ATXN7: variants seen among roughly 807,000 people sequenced by gnomAD.
The protein encoded by ATXN7 is ataxin-7.
In ATXN7, 12 loss-of-function variants were observed where a neutral mutation model predicts 70.5. The ratio of observed to expected loss-of-function variants is 0.17; its 90% CI spans 0.11 to 0.28. The LOEUF is 0.28. Among genes scored for constraint, ATXN7 ranks in the 10% least tolerant of loss-of-function variants. ATXN7 has a pLI of 1.00. For missense variants in ATXN7, 1,256 were observed against 1,131.7 expected (o/e 1.11, Z -1.58); for synonymous variants, 498 against 448.7 (o/e 1.11, Z -1.39).
chr3:63,981,894 T>A (rs1335909021), intron 6 of ATXN7, among the ~76,000 whole-genome samples: 1 of 152,248 alleles, frequency 6.6e-6, no homozygotes, highest in African/African-American at 2.4e-5. Context: ...AGAAATTGCA[T>A]TGCATTGGGT....
intron 4 of ATXN7, among the ~76,000 whole-genome samples, chr3:63,940,186 A>T (rs144774042): frequency 6.6e-6 from 1 of 151,954 alleles, no homozygotes; most frequent in African/African-American, 2.4e-5. Context: ...AGAAGGCCCT[A>T]ATCTCACCTC....
At position 63,982,369 on chromosome 3, in the gene ATXN7, T is replaced by C. The variant is rs1418553331; in HGVS notation, c.936T>C (p.Leu312=). The C allele has an allele frequency of 1.2e-6, 2 of 1,613,916 alleles. No individual in the cohort carries two copies. Among genetic ancestry groups the C allele is most frequent in the Admixed American group, 1.7e-5 (1 of 59,992 alleles). The part of the protein sequence containing the change: ...SPGQILNGKG[L]PAPPTLEKKP... ...GACAGATTCTGAATGGCAAAGGGCT[T>C]CCTGCACCGCCCACTCTGGAAAAGA... Residue 312 remains leucine, a synonymous_variant, in exon 7 of 13, where the codon CTT becomes CTC. Transcript: ENST00000674280.
chr3:63,925,353 G>T (rs1704674650), intron 4 of ATXN7, among the ~76,000 whole-genome samples: 1 of 152,110 alleles, frequency 6.6e-6, no homozygotes, highest in African/African-American at 2.4e-5. Context: ...TGGCCTGTTA[G>T]GAAACAGGCC....
intron 4 of ATXN7, among the ~76,000 whole-genome samples, chr3:63,939,312 T>G (rs765370147): frequency 6.6e-6 from 1 of 152,180 alleles, no homozygotes; most frequent in Non-Finnish European, 1.5e-5. Flanking sequence ...TCCTTCTAAA[T>G]GTCTTGGAAT....
chr3:63,925,488 G>A (rs983950297), intron 4 of ATXN7, among the ~76,000 whole-genome samples: 1 of 152,138 alleles, frequency 6.6e-6, no homozygotes, highest in Admixed American at 6.6e-5. Flanking sequence ...CCATGCCTGG[G>A]ATCTAGGTTG....
At position 63,961,594 on chromosome 3, in the gene ATXN7, A is replaced by T. The variant is rs1237282975; in HGVS notation, c.499+9111A>T. ...CAATATCTATCTTTATATATATATA[A>T]ATTGTTTATAATGTGTATATGGATC... On this transcript the variant is annotated intron_variant, in intron 5 of 12. Coordinates refer to ENST00000674280, the MANE Select transcript of ATXN7 (RefSeq NM_001377405.1). 4.6e-5 allele frequency among the ~76,000 whole-genome samples: 7 copies of T among 152,192 alleles called. No individual in the cohort carries two copies. The South Asian group carries it at 1.5e-3, about 32-fold the overall frequency.
chr3:63,958,531 T>C (rs559168899), intron 5 of ATXN7, among the ~76,000 whole-genome samples: 26 of 152,332 alleles, frequency 1.7e-4, no homozygotes, highest in African/African-American at 5.3e-4. Context: ...GCAAAGGTTT[T>C]ACCATTTAAT....
At chr3:63,874,123 A>T (rs530105722) in intron 1 of ATXN7, among the ~76,000 whole-genome samples, 42 of 152,314 alleles carry the variant, frequency 2.8e-4, no homozygotes, top group African/African-American at 9.6e-4. Context: ...TTACATGATA[A>T]TCTTTCCTAA....
At position 63,949,256 on chromosome 3, in the gene ATXN7, C is replaced by CTT. The variant is rs763880324; in HGVS notation, c.395-3108_395-3107dup. On this transcript the variant is annotated intron_variant, in intron 4 of 12. Coordinates refer to ENST00000674280, the MANE Select transcript of ATXN7 (RefSeq NM_001377405.1). ...AGAGCAGAAAAAGAATATAGAATTCCTTTTTTTTTTTTTTTTCCTGAAGAA... is the reference window on the plus strand; with the variant it reads ...AGAGCAGAAAAAGAATATAGAATTCCTTTTTTTTTTTTTTTTTTCCTGAAGAA... Among the ~76,000 whole-genome samples the CTT allele has an allele frequency of 5.2e-5, 7 of 135,268 alleles. No homozygotes were observed. The East Asian group carries it at 6.3e-4, about 12-fold the overall frequency. 88.7% of individuals were successfully genotyped at this position (135,268 alleles called of 152,430 possible).
chr3:63,913,232 C>T lies in ATXN7; in HGVS notation c.394+7C>T, dbSNP rs376823553. The T allele has an allele frequency of 6.2e-7, 1 of 1,613,272 alleles. No individual in the cohort carries two copies. The highest frequency in any genetic ancestry group is 8.5e-7 in the Non-Finnish European group (1 of 1,179,456). ...ATGGGGCTCTGTCGGGAAGGTGAGTCCAGCCCCCCTGATGGAGTTTGTACA... is the reference window on the plus strand; with the variant it reads ...ATGGGGCTCTGTCGGGAAGGTGAGTTCAGCCCCCCTGATGGAGTTTGTACA... On this transcript the variant is annotated splice_region_variant and intron_variant, in intron 4 of 12. Coordinates refer to ENST00000674280, the MANE Select transcript of ATXN7 (RefSeq NM_001377405.1).
chr3:63,913,421 C>T (rs954998800), intron 4 of ATXN7, among the ~76,000 whole-genome samples, 196 bp downstream of exon 4: 3 of 152,100 alleles, frequency 2.0e-5, no homozygotes, highest in African/African-American at 4.8e-5. Context: ...TGAGAGCGTC[C>T]GGAATCCTTC....
intron 4 of ATXN7, among the ~76,000 whole-genome samples, chr3:63,927,122 A>G (rs1002425239): frequency 6.6e-6 from 1 of 152,328 alleles, no homozygotes; most frequent in African/African-American, 2.4e-5. Context: ...TACAGTAAAC[A>G]TACGTGTACG....
chr3:63,996,557 G>A (rs1261099986), intron 12 of ATXN7, 74 bp downstream of exon 12: 2 of 1,345,586 alleles, frequency 1.5e-6, no homozygotes, highest in South Asian at 1.3e-5. Flanking sequence ...GCTCAGAAAT[G>A]TGTTTGGTTG....
intron 12 of ATXN7, chr3:63,997,880 TTAAC>T (rs1439901789): frequency 2.0e-6 from 2 of 985,416 alleles, no homozygotes; most frequent in South Asian, 4.7e-5. Flanking sequence ...ATTTGTGAAT[TTAAC>T]TAGCTGCATG....
At position 63,912,694 on chromosome 3, in the gene ATXN7, G is replaced by GCCC. The variant is rs910421275; in HGVS notation, c.97_98insCCC (p.Gln32_Gln33insPro). Reference sequence around the variant, plus strand: ...CGGCCGCGGCCGCCCGGCAGCAGCAGCAGCAGCAGCAGCAGCAGCAGCCGC... The same window carrying GCCC: ...CGGCCGCGGCCGCCCGGCAGCAGCAGCCCCAGCAGCAGCAGCAGCAGCAGCCGC... On this transcript the variant is annotated inframe_insertion, in exon 3 of 13. Coordinates refer to ENST00000674280, the MANE Select transcript of ATXN7 (RefSeq NM_001377405.1). The GCCC allele has an allele frequency of 2.6e-5, 30 of 1,148,038 alleles. No individual in the cohort carries two copies. The highest frequency in any genetic ancestry group is 8.5e-5 in the Admixed American group (2 of 23,452). The allele number at this position is 1,148,038 out of a possible 1,614,324, so 71.1% of individuals were successfully genotyped here.
intron 5 of ATXN7, among the ~76,000 whole-genome samples, chr3:63,953,116 G>C (rs987412909): frequency 6.6e-6 from 1 of 152,024 alleles, no homozygotes; most frequent in Non-Finnish European, 1.5e-5. Flanking sequence ...AGTCGAATTG[G>C]AGAGGCAGGC....
At chr3:63,951,618 A>G (rs1199467511) in intron 4 of ATXN7, among the ~76,000 whole-genome samples, 7 of 152,208 alleles carry the variant, frequency 4.6e-5, no homozygotes, top group African/African-American at 7.2e-5. Context: ...TTCATAATTA[A>G]TTGAATGGTT....
intron 4 of ATXN7, among the ~76,000 whole-genome samples, chr3:63,914,847 A>G (rs1283711094): frequency 6.6e-6 from 1 of 152,228 alleles, no homozygotes; most frequent in Non-Finnish European, 1.5e-5. Context: ...TTTTATCAGC[A>G]TGTTTTTCAT....
chr3:63,898,368 T>G (rs1169212250), intron 1 of ATXN7, 31 bp from the exon 2 acceptor site: 1 of 152,230 alleles, frequency 6.6e-6, no homozygotes, highest in African/African-American at 2.4e-5. Context: ...ATCCACTGTT[T>G]CATCCATTTG....
Sources: allele counts gnomAD v4.1 joint callset (sites outside exome capture counted in the v4.1 genomes callset), GRCh38; gene constraint gnomAD v4.1.1; transcripts MANE v1.5; gene names NCBI Gene and HGNC (gene_info 2026-07-23, HGNC 2026-07-21).